Variants in DPF3 observed in about 807,000 individuals in gnomAD.
DPF3 encodes zinc finger protein DPF3.
A neutral mutation model predicts 56.8 loss-of-function variants in DPF3; 18 were observed. That is an observed-to-expected ratio of 0.32 (90% CI 0.22 to 0.47). The LOEUF is 0.47. Ranked by LOEUF, DPF3 falls within the 20% of genes least tolerant of loss-of-function variation. The pLI is 1.00. For synonymous variants in DPF3, 188 were observed against 180.2 expected (o/e 1.04, Z -0.35); for missense variants, 403 against 488.8 (o/e 0.82, Z 1.65).
At chr14:72,800,377 A>ATGGATGGATGG (rs1892822772) in intron 1 of DPF3, among the ~76,000 whole-genome samples, 1 of 18,050 alleles carries the variant, frequency 5.5e-5, no homozygotes, top group African/African-American at 6.2e-5. Context: ...TAAATAGATA[A>ATGGATGGATGG]ATGGATGGAT....
intron 1 of DPF3, among the ~76,000 whole-genome samples, chr14:72,856,749 C>A (rs907367134): frequency 6.6e-6 from 1 of 152,180 alleles, no homozygotes; most frequent in Non-Finnish European, 1.5e-5. Context: ...ATGAATAATG[C>A]GTGAAGCACA....
At chr14:72,883,982 T>C (rs1463411357) in intron 1 of DPF3, among the ~76,000 whole-genome samples, 2 of 150,584 alleles carry the variant, frequency 1.3e-5, no homozygotes, top group Non-Finnish European at 3.0e-5. Flanking sequence ...TGACCTCCAA[T>C]GCCAACAGCT....
chr14:72,831,972 C>A (rs1327636769), intron 1 of DPF3, among the ~76,000 whole-genome samples: 4 of 152,136 alleles, frequency 2.6e-5, no homozygotes, highest in African/African-American at 7.2e-5. Context: ...AATCCCAGCA[C>A]TTTGGGAAGC....
chr14:72,863,146 A>ATGTGTGTG lies in DPF3; in HGVS notation c.32+30903_32+30910dup, dbSNP rs57171669. On this transcript the variant is annotated intron_variant, in intron 1 of 10. Coordinates refer to ENST00000556509, the MANE Select transcript of DPF3 (RefSeq NM_001280542.3). ...TGTGTGTGTGTGTGTGTATATATATATGTGTGTGTGTGTGTGTGTGTGTGT... is the reference window on the plus strand; with the variant it reads ...TGTGTGTGTGTGTGTGTATATATATATGTGTGTGTGTGTGTGTGTGTGTGTGTGTGTGT... Among the ~76,000 whole-genome samples, 18 of 140,738 alleles carry ATGTGTGTG rather than the reference A, an allele frequency of 1.3e-4. No individual in the cohort carries two copies. The South Asian group carries it at 1.7e-3, about 13-fold the overall frequency. The allele number at this position is 140,738 out of a possible 152,430, so 92.3% of individuals were successfully genotyped here. A position where few individuals can be genotyped will look rare whatever the true frequency, so the allele number is the denominator to read the frequency against.
At chr14:72,768,927 G>A (rs1891397926) in intron 2 of DPF3, among the ~76,000 whole-genome samples, 1 of 122,842 alleles carries the variant, frequency 8.1e-6, no homozygotes. Flanking sequence ...TACTGTGTGT[G>A]AGTGTCTGTG....
At chr14:72,770,722 T>C (rs1891488617) in intron 2 of DPF3, among the ~76,000 whole-genome samples, 1 of 152,242 alleles carries the variant, frequency 6.6e-6, no homozygotes, top group Non-Finnish European at 1.5e-5. Flanking sequence ...TTCAGTTTTA[T>C]ATGAAGGTGA....
At chr14:72,846,649 AACTCCT>A (rs57764715) in intron 1 of DPF3, among the ~76,000 whole-genome samples, 88,330 of 151,644 alleles carry the variant, frequency 0.58, 26,534 homozygotes, top group East Asian at 0.88. Flanking sequence ...GATAGTCTTG[AACTCCT>A]GGCCTCGAGT....
At chr14:72,830,752 T>G (rs1258948314) in intron 1 of DPF3, among the ~76,000 whole-genome samples, 1 of 152,246 alleles carries the variant, frequency 6.6e-6, no homozygotes, top group Non-Finnish European at 1.5e-5. Context: ...CAAAAGGACC[T>G]TACACATAAT....
chr14:72,806,325 G>A lies in DPF3; in HGVS notation c.33-34432C>T, dbSNP rs77105870. Among the ~76,000 whole-genome samples the A allele has an allele frequency of 5.7e-3, 868 of 152,178 alleles. 8 individuals carry two copies. The highest frequency in any genetic ancestry group is 0.02 in the African/African-American group (824 of 41,492). ...CAACGTATGACAGTATTAGCCATGC[G>A]CTCCTTGAAACACTCAGAGCCTTGA... On this transcript the variant is annotated intron_variant, in intron 1 of 10. Coordinates refer to ENST00000556509, the MANE Select transcript of DPF3 (RefSeq NM_001280542.3).
chr14:72,806,214 T>C (rs1307752414), intron 1 of DPF3, among the ~76,000 whole-genome samples: 1 of 152,178 alleles, frequency 6.6e-6, no homozygotes, highest in Non-Finnish European at 1.5e-5. Flanking sequence ...TAGCCATCCT[T>C]CCTCAGATGC....
Position 72,614,360 on chromosome 14 carries a change from A to G in DPF3, c.*4937T>C, listed in dbSNP as rs2526932. On this transcript the variant is annotated 3_prime_UTR_variant, in exon 11 of 11. Transcript: ENST00000556509. ...CCCTTCACCTGGTATCCAAAAGCAT[A>G]CTTTGGGGATGGGAGTAAGATTTCA... 0.65 allele frequency among the ~76,000 whole-genome samples: 98,945 copies of G among 152,042 alleles called. 33,394 individuals are homozygous for G. The highest frequency in any genetic ancestry group is 0.99 in the East Asian group (5,097 of 5,164).
chr14:72,809,391 T>C (rs958972447), intron 1 of DPF3, among the ~76,000 whole-genome samples: 1 of 152,150 alleles, frequency 6.6e-6, no homozygotes, highest in African/African-American at 2.4e-5. Flanking sequence ...TTGGGGAACA[T>C]GGCACCGGTG....
chr14:72,702,483 G>A (rs1158275334), intron 6 of DPF3, among the ~76,000 whole-genome samples: 2 of 152,048 alleles, frequency 1.3e-5, no homozygotes, highest in African/African-American at 4.8e-5. Context: ...AATCACTCTG[G>A]CATCAAATTC....
At chr14:72,868,904 C>T (rs1306030760) in intron 1 of DPF3, among the ~76,000 whole-genome samples, 1 of 152,192 alleles carries the variant, frequency 6.6e-6, no homozygotes, top group Non-Finnish European at 1.5e-5. Context: ...TCCCCATGGC[C>T]AGGGGAACTT....
intron 8 of DPF3, chr14:72,670,331 C>A (rs1257052703): frequency 5.1e-5 from 50 of 986,246 alleles, no homozygotes; most frequent in Non-Finnish European, 5.7e-5. Flanking sequence ...TGAGGAAAAA[C>A]CAGCAATAAC....
intron 1 of DPF3, among the ~76,000 whole-genome samples, chr14:72,776,113 T>TA (rs1465314242): frequency 6.6e-6 from 1 of 152,100 alleles, no homozygotes; most frequent in Non-Finnish European, 1.5e-5. Flanking sequence ...GTGACCAGTG[T>TA]ACCCTGGGTT....
intron 1 of DPF3, among the ~76,000 whole-genome samples, chr14:72,780,766 CCTT>C (rs1172820072): frequency 7.2e-6 from 1 of 139,492 alleles, no homozygotes; most frequent in Non-Finnish European, 1.5e-5. Flanking sequence ...CTGACATTCT[CCTT>C]CTCTGAACTT....
chr14:72,835,958 GCGTTGTGTT>G (rs1398164479), intron 1 of DPF3: 4 of 800,142 alleles, frequency 5.0e-6, no homozygotes, highest in Non-Finnish European at 6.0e-6. Flanking sequence ...TAAAACCTGT[GCGTTGTGTT>G]CAAGATACAC....
At chr14:72,649,182 G>A (rs1885819278) in intron 8 of DPF3, among the ~76,000 whole-genome samples, 1 of 152,076 alleles carries the variant, frequency 6.6e-6, no homozygotes, top group African/African-American at 2.4e-5. Flanking sequence ...TTGTCATGGT[G>A]GTTGGGAACC....
Sources: allele counts gnomAD v4.1 joint callset (sites outside exome capture counted in the v4.1 genomes callset), GRCh38; gene constraint gnomAD v4.1.1; transcripts MANE v1.5; gene names NCBI Gene and HGNC (gene_info 2026-07-23, HGNC 2026-07-21).